The following CADPS2 variants were observed in gnomAD, a reference collection of about 807,000 sequenced individuals.
The protein encoded by CADPS2 is calcium-dependent secretion activator 2.
Under a neutral mutation model 172.5 loss-of-function variants are expected in CADPS2, and 93 were observed. The ratio of observed to expected loss-of-function variants is 0.54; its 90% CI spans 0.46 to 0.64. The LOEUF is 0.64. Among genes scored for constraint, CADPS2 ranks in the 30% least tolerant of loss-of-function variants. The pLI is 0.00. For missense variants in CADPS2, 1,420 were observed against 1,565.9 expected, an observed-to-expected ratio of 0.91 and a Z score of 1.57; for synonymous variants, 546 against 555.2, an observed-to-expected ratio of 0.98 and a Z score of 0.23.
In CADPS2 at chr7:122,663,464, T is replaced by C. The variant is rs1426067062; in HGVS notation, c.559A>G (p.Ser187Gly). 5.0e-6 allele frequency: 8 copies of C among 1,613,954 alleles called. No homozygotes were observed. Among genetic ancestry groups the C allele is most frequent in the South Asian group, 2.2e-5 (2 of 91,074 alleles). Residue 187 changes from serine (S) to glycine (G), a missense_variant, in exon 3 of 30, where the codon AGT becomes GGT. Ser to Gly is a moderately conservative substitution (Grantham distance 56). Transcript: ENST00000449022. ...CTCAAGCCATCTATTTCTGGCAAAC[T>C]CCGCACACGTTTTTCTATGTTTTTC... ...FKKNIEKRVRSLPEIDGLSKE... is the reference protein window; with the variant it reads ...FKKNIEKRVRGLPEIDGLSKE...
chr7:122,852,836 G>A lies in CADPS2; in HGVS notation c.339+33163C>T, dbSNP rs549713831. 4.6e-5 allele frequency among the ~76,000 whole-genome samples: 7 copies of A among 152,100 alleles called. No homozygotes were observed. The South Asian group carries it at 6.2e-4, about 13-fold the overall frequency. On this transcript the variant is annotated intron_variant, in intron 1 of 29. Coordinates refer to ENST00000449022, the MANE Select transcript of CADPS2 (RefSeq NM_017954.11). ...AAGCAATCCGACTTCTGTTATAACG[G>A]AATCCCTCTGACTACATATAGAGAA...
intron 1 of CADPS2, among the ~76,000 whole-genome samples, chr7:122,764,543 T>C (rs2093488364): frequency 6.6e-6 from 1 of 151,852 alleles, no homozygotes; most frequent in Non-Finnish European, 1.5e-5. Context: ...ACACAACAAG[T>C]CAGTGTGTAA....
intron 23 of CADPS2, among the ~76,000 whole-genome samples, chr7:122,387,754 T>C (rs1018770821): frequency 1.3e-5 from 2 of 152,040 alleles, no homozygotes; most frequent in Non-Finnish European, 1.5e-5. Flanking sequence ...TGCTGAAGTA[T>C]CCTATGAAAA....
Position 122,360,944 on chromosome 7 carries a change from T to C in CADPS2, c.3457A>G (p.Ile1153Val), listed in dbSNP as rs369463911. ...RYDEGTFFSSILSFTVKAAAK... is the reference protein window; with the variant it reads ...RYDEGTFFSSVLSFTVKAAAK... The stretch of plus-strand genomic sequence containing the variant: ...CAAATACTTACAGTGAATGACAGAA[T>C]GGATGAAAAGAAAGTGCCTTCATCA... The change falls in exon 26 of 30, where the codon ATT (isoleucine) becomes GTT (valine). Residue 1153 changes from isoleucine to valine, a missense_variant. Ile to Val is a conservative substitution (Grantham distance 29). Coordinates refer to ENST00000449022, the MANE Select transcript of CADPS2 (RefSeq NM_017954.11). 1.2e-6 allele frequency: 2 copies of C among 1,613,524 alleles called. No individual in the cohort carries two copies. Among genetic ancestry groups the C allele is most frequent in the East Asian group, 2.2e-5 (1 of 44,824 alleles).
At chr7:122,471,209 A>G (rs1314210689) in intron 14 of CADPS2, among the ~76,000 whole-genome samples, 166 bp downstream of exon 14, 14 of 151,352 alleles carry the variant, frequency 9.2e-5, no homozygotes, top group Non-Finnish European at 5.9e-5. Flanking sequence ...ACCTAAATCA[A>G]TAGCATATTG....
intron 29 of CADPS2, 32 bp downstream of exon 29, chr7:122,325,445 G>A (rs1032922960): frequency 7.3e-7 from 1 of 1,361,380 alleles, no homozygotes; most frequent in Non-Finnish European, 1.0e-6. Context: ...ATAGCTTAGT[G>A]GGCAATTCAT....
intron 1 of CADPS2, among the ~76,000 whole-genome samples, chr7:122,797,688 G>A (rs1589258814): frequency 6.6e-6 from 1 of 152,120 alleles, no homozygotes; most frequent in East Asian, 1.9e-4. Context: ...ACACAGACGG[G>A]AACAACAGAC....
chr7:122,362,576 G>T (rs2040301439), intron 25 of CADPS2, among the ~76,000 whole-genome samples: 1 of 152,110 alleles, frequency 6.6e-6, no homozygotes, highest in South Asian at 2.1e-4. Context: ...ATGAATAAGA[G>T]ATCTTAAGAA....
chr7:122,737,999 A>C (rs537230322), intron 1 of CADPS2, among the ~76,000 whole-genome samples: 1 of 152,278 alleles, frequency 6.6e-6, no homozygotes, highest in East Asian at 1.9e-4. Flanking sequence ...AAAGAAGACA[A>C]ATCCAAAAGA....
chr7:122,626,098 G>A (rs771998161), intron 4 of CADPS2, among the ~76,000 whole-genome samples: 23 of 152,096 alleles, frequency 1.5e-4, no homozygotes, highest in Middle Eastern at 3.2e-3. Context: ...AAAGTCAGAG[G>A]GGTAAAAAAG....
At chr7:122,701,731 G>A (rs2086127645) in intron 2 of CADPS2, 1 of 750,760 alleles carries the variant, frequency 1.3e-6, no homozygotes, top group Non-Finnish European at 2.1e-6. Flanking sequence ...CTTGGGTAGA[G>A]AAGCTGAAAT....
chr7:122,514,577 G>A (rs1252667451), intron 8 of CADPS2, among the ~76,000 whole-genome samples: 1 of 151,990 alleles, frequency 6.6e-6, no homozygotes, highest in Non-Finnish European at 1.5e-5. Context: ...TAACATCTTG[G>A]GAGATGATCT....
At chr7:122,363,292 C>A (rs1022316942) in intron 25 of CADPS2, among the ~76,000 whole-genome samples, 1 of 152,120 alleles carries the variant, frequency 6.6e-6, no homozygotes, top group African/African-American at 2.4e-5. Context: ...TCATTTGCCA[C>A]GAGGACAGCG....
rs373692074 is a variant in CADPS2, at chr7:122,728,702, T to A, written c.453+8253A>T. ...GACACTTGTGCAACTGGAGGGAGCT[T>A]TGTTTTTATTTTTTTCAATTTTATT... On this transcript the variant is annotated intron_variant, in intron 2 of 29. Transcript: ENST00000449022. Among the ~76,000 whole-genome samples, 45 of 151,812 alleles carry A rather than the reference T, an allele frequency of 3.0e-4. No individual in the cohort carries two copies. The East Asian group carries it at 4.8e-3, about 16-fold the overall frequency.
At chr7:122,439,831 G>A (rs895757910) in intron 16 of CADPS2, among the ~76,000 whole-genome samples, 4 of 151,942 alleles carry the variant, frequency 2.6e-5, no homozygotes, top group African/African-American at 9.7e-5. Flanking sequence ...TTTCATATGC[G>A]GAACCACGAA....
intron 7 of CADPS2, among the ~76,000 whole-genome samples, chr7:122,566,598 T>A (rs1386404186): frequency 2.0e-5 from 3 of 152,174 alleles, no homozygotes; most frequent in Admixed American, 1.3e-4. Context: ...GGACTTATTT[T>A]ATTAATATAG....
chr7:122,612,898 T>C (rs941622047), intron 6 of CADPS2, among the ~76,000 whole-genome samples: 1 of 152,128 alleles, frequency 6.6e-6, no homozygotes, highest in Non-Finnish European at 1.5e-5. Flanking sequence ...CATGTATCTA[T>C]GGTCAACTGA....
chr7:122,666,470 A>C (rs2081205275), intron 2 of CADPS2, among the ~76,000 whole-genome samples: 1 of 151,784 alleles, frequency 6.6e-6, no homozygotes, highest in African/African-American at 2.4e-5. Context: ...CAGCCTCCTG[A>C]GTAGCTGGGA....
chr7:122,709,562 T>C (rs547016677), intron 2 of CADPS2, among the ~76,000 whole-genome samples: 3 of 151,504 alleles, frequency 2.0e-5, no homozygotes, highest in Admixed American at 2.0e-4. Flanking sequence ...ACTGGGTATA[T>C]ACCCAAAGGA....
Sources: gnomAD v4.1 joint callset for allele counts (sites outside exome capture counted in the v4.1 genomes callset) on GRCh38, gnomAD v4.1.1 for gene constraint, MANE v1.5 for transcripts, NCBI Gene and HGNC (gene_info 2026-07-23, HGNC 2026-07-21) for gene names.